The following FRMD4B variants were observed in gnomAD, a reference collection of about 807,000 sequenced individuals.
The protein encoded by FRMD4B is FERM domain-containing protein 4B.
Under a neutral mutation model 141.5 loss-of-function variants are expected in FRMD4B, and 74 were observed. The observed-to-expected ratio is 0.52, with a 90% confidence interval of 0.43 to 0.63. FRMD4B has a LOEUF of 0.63. Ranked by LOEUF, FRMD4B falls within the 30% of genes least tolerant of loss-of-function variation. The pLI is 0.00. For synonymous variants in FRMD4B, 506 were observed against 467.9 expected, an observed-to-expected ratio of 1.08 and a Z score of -1.05; for missense variants, 1,366 against 1,253.4, an observed-to-expected ratio of 1.09 and a Z score of -1.36.
chr3:69,391,107 C>T (rs939164251), intron 2 of FRMD4B, among the ~76,000 whole-genome samples: 4 of 151,810 alleles, frequency 2.6e-5, no homozygotes, highest in African/African-American at 7.3e-5. Flanking sequence ...GAGAAATAAC[C>T]GGAATGCCGT....
chr3:69,172,094 C>T, intron 22 of FRMD4B, 113 bp from the exon 23 acceptor site: 3 of 920,618 alleles, frequency 3.3e-6, no homozygotes, highest in South Asian at 2.9e-5. Flanking sequence ...AAAAATTTCC[C>T]AAAATGTAGA....
rs959077587 is a variant in FRMD4B at position 69,417,092 on chromosome 3, G to T, written c.-1+15542C>A. Among the ~76,000 whole-genome samples, 5 of 152,156 alleles carry T rather than the reference G, an allele frequency of 3.3e-5. 1 individual carries two copies. Among genetic ancestry groups the T allele is most frequent in the Middle Eastern group, 6.3e-3 (2 of 316 alleles). On this transcript the variant is annotated intron_variant, in intron 2 of 5. Coordinates refer to the FRMD4B transcript ENST00000459638. ...GGTAATGGGATTGCTGGACCAAATGGTGTTTCTAGTTCTAGATCCTTGAGG... is the reference window on the plus strand; with the variant it reads ...GGTAATGGGATTGCTGGACCAAATGTTGTTTCTAGTTCTAGATCCTTGAGG...
intron 1 of FRMD4B, among the ~76,000 whole-genome samples, chr3:69,484,583 T>C (rs1012044868): frequency 1.1e-4 from 16 of 152,102 alleles, no homozygotes; most frequent in African/African-American, 3.6e-4. Flanking sequence ...TCCCATCAAG[T>C]GTTCAGCTCT....
At chr3:69,215,005 G>A (rs112468234) in intron 11 of FRMD4B, among the ~76,000 whole-genome samples, 17,776 of 151,354 alleles carry the variant, frequency 0.12, 1,187 homozygotes, top group East Asian at 0.34. Context: ...TCAGCCTCCC[G>A]AGGAGCTGGG....
intron 7 of FRMD4B, among the ~76,000 whole-genome samples, chr3:69,225,711 AAAAAAAAAAAAAAAAAAGAG>A (rs1179138320): frequency 6.5e-5 from 5 of 76,588 alleles, no homozygotes; most frequent in East Asian, 1.0e-3. Context: ...AAAAAAAAAA[AAAAAAAAAAAAAAAAAAGAG>A]GGAGAACACG....
intron 1 of FRMD4B, among the ~76,000 whole-genome samples, chr3:69,461,591 T>A (rs1173061512): frequency 8.9e-6 from 1 of 112,168 alleles, no homozygotes; most frequent in Non-Finnish European, 1.6e-5. Context: ...ATCACTGCAC[T>A]CCGCCCTGGA....
chr3:69,230,293 C>T (rs1007717883), intron 7 of FRMD4B, among the ~76,000 whole-genome samples: 2 of 152,074 alleles, frequency 1.3e-5, no homozygotes, highest in Admixed American at 6.6e-5. Flanking sequence ...AACTTTAAAA[C>T]TCCAACAAGG....
intron 7 of FRMD4B, among the ~76,000 whole-genome samples, chr3:69,233,356 C>T (rs7649729): frequency 0.22 from 32,924 of 151,388 alleles, 3,695 homozygotes; most frequent in African/African-American, 0.26. Flanking sequence ...GGGTGGCACA[C>T]GCCTGTAGTC....
In FRMD4B at chr3:69,233,601, A is replaced by C. The variant is rs2093325918; in HGVS notation, c.582-8911T>G. 1.3e-5 allele frequency among the ~76,000 whole-genome samples: 2 copies of C among 152,200 alleles called. 1 individual carries two copies. The highest frequency in any genetic ancestry group is 4.1e-4 in the South Asian group (2 of 4,832). ...TGTGGATGTAAAAATGCCATAGTTA[A>C]GTGCCTATTTGAACACTCAGTAAAG... On this transcript the variant is annotated intron_variant, in intron 7 of 22. Coordinates refer to ENST00000398540, the MANE Select transcript of FRMD4B (RefSeq NM_015123.3).
At chr3:69,358,352 A>G (rs1297628546) in intron 1 of FRMD4B, among the ~76,000 whole-genome samples, 1 of 152,182 alleles carries the variant, frequency 6.6e-6, no homozygotes, top group Non-Finnish European at 1.5e-5. Context: ...TGAACAAGGA[A>G]TCCCACATTT....
At chr3:69,391,614 A>G (rs1347880702) in intron 2 of FRMD4B, among the ~76,000 whole-genome samples, 1 of 152,076 alleles carries the variant, frequency 6.6e-6, no homozygotes, top group Non-Finnish European at 1.5e-5. Flanking sequence ...AATTCCCCCC[A>G]CACTAAACCC....
rs1463882704 is a variant in FRMD4B, at chr3:69,181,440, A to G, written c.2310T>C (p.Asn770=). 3 of 1,613,738 alleles carry G rather than the reference A, an allele frequency of 1.9e-6. No individual in the cohort carries two copies. Among genetic ancestry groups the G allele is most frequent in the Non-Finnish European group, 2.5e-6 (3 of 1,179,884 alleles). The part of the protein sequence containing the change: ...TRGRRRSKKQ[N]VSTSNSGSMP... ...TGCTTCCTGAATTTGAAGTAGAAAC[A>G]TTCTGTTTCTTTGACCTCCTCCGAC... The change falls in exon 21 of 23, where the codon AAT becomes AAC. Residue 770 remains asparagine (N), a synonymous_variant. Coordinates refer to ENST00000398540, the MANE Select transcript of FRMD4B (RefSeq NM_015123.3).
intron 1 of FRMD4B, among the ~76,000 whole-genome samples, chr3:69,366,265 ACAAAAACAAAAAC>A (rs1392074657): frequency 6.8e-5 from 10 of 147,692 alleles, no homozygotes; most frequent in African/African-American, 1.3e-4. Flanking sequence ...GTCTCAAAAA[ACAAAAACAAAAAC>A]AAAAACAAAA....
At chr3:69,242,948 C>T (rs373619904) in intron 7 of FRMD4B, among the ~76,000 whole-genome samples, 6 of 147,366 alleles carry the variant, frequency 4.1e-5, no homozygotes, top group Non-Finnish European at 8.9e-5. Context: ...GAGCCGAGAT[C>T]GCACTACTGC....
rs71618271 is a variant in FRMD4B, at chr3:69,262,459, C to CTTT, written c.502-12363_502-12361dup. ...CAAATACTGCAAGGTACACAAATGA[C>CTTT]TTTTTTTTTTTTTTTTTTTTTTTTT... On this transcript the variant is annotated intron_variant, in intron 5 of 22. Coordinates refer to ENST00000398540, the MANE Select transcript of FRMD4B (RefSeq NM_015123.3). 1.2e-3 allele frequency among the ~76,000 whole-genome samples: 107 copies of CTTT among 86,854 alleles called. 7 individuals carry two copies. Among genetic ancestry groups the CTTT allele is most frequent in the African/African-American group, 3.2e-3 (69 of 21,526 alleles). 57.0% of individuals were successfully genotyped at this position (86,854 alleles called of 152,430 possible). A position where few individuals can be genotyped will look rare whatever the true frequency, so the allele number is the denominator to read the frequency against.
chr3:69,318,423 A>G (rs897377720), intron 1 of FRMD4B, among the ~76,000 whole-genome samples: 5 of 152,236 alleles, frequency 3.3e-5, no homozygotes, highest in African/African-American at 1.2e-4. Context: ...TGAGGCGCCC[A>G]TCGATGACAA....
intron 5 of FRMD4B, among the ~76,000 whole-genome samples, chr3:69,267,658 G>T (rs1162704512): frequency 6.3e-5 from 7 of 111,364 alleles, no homozygotes; most frequent in African/African-American, 1.0e-4. Flanking sequence ...GAGAGAGAGA[G>T]AGAGAGAGAG....
intron 1 of FRMD4B, among the ~76,000 whole-genome samples, chr3:69,379,202 A>G (rs1166228131): frequency 6.6e-6 from 1 of 151,952 alleles, no homozygotes; most frequent in Non-Finnish European, 1.5e-5. Flanking sequence ...TCCAATCATT[A>G]TATTTTACAG....
intron 11 of FRMD4B, 138 bp downstream of exon 11, chr3:69,216,125 G>A (rs2093138030): frequency 1.8e-6 from 1 of 545,230 alleles, no homozygotes; most frequent in Middle Eastern, 3.0e-4. Context: ...CTGCACTCCA[G>A]CTTGGGCGAC....
Sources: gnomAD v4.1 joint callset for allele counts (sites outside exome capture counted in the v4.1 genomes callset) on GRCh38, gnomAD v4.1.1 for gene constraint, MANE v1.5 for transcripts, NCBI Gene and HGNC (gene_info 2026-07-23, HGNC 2026-07-21) for gene names.